Variants in PLCB1 observed in about 807,000 individuals in gnomAD.
The protein encoded by PLCB1 is phospholipase C beta 1.
In PLCB1, 46 loss-of-function variants were observed where a neutral mutation model predicts 161.8. The observed-to-expected ratio is 0.28, with a 90% CI of 0.22 to 0.36. PLCB1 has a LOEUF of 0.36. Ranked by LOEUF, PLCB1 falls within the 10% of genes least tolerant of loss-of-function variation. PLCB1 has a pLI of 1.00. For synonymous variants in PLCB1, 517 were observed against 503.7 expected (o/e 1.03, Z -0.35); for missense variants, 1,016 against 1,472.5 (o/e 0.69, Z 5.07).
At chr20:8,773,119 A>G (rs1199217601) in intron 26 of PLCB1, among the ~76,000 whole-genome samples, 2 of 152,196 alleles carry the variant, frequency 1.3e-5, no homozygotes, top group East Asian at 3.9e-4. Flanking sequence ...ATCTGATTCT[A>G]ACACCAGCTT....
chr20:8,602,382 T>C, intron 3 of PLCB1, among the ~76,000 whole-genome samples: 1 of 152,170 alleles, frequency 6.6e-6, no homozygotes, highest in Non-Finnish European at 1.5e-5. Context: ...ATGCCAGGGA[T>C]ATCATCACTT....
At chr20:8,152,263 A>G (rs1168893515) in intron 2 of PLCB1, among the ~76,000 whole-genome samples, 1 of 152,006 alleles carries the variant, frequency 6.6e-6, no homozygotes, top group African/African-American at 2.4e-5. Flanking sequence ...GTGATCATAT[A>G]TCTTAGAATC....
intron 2 of PLCB1, among the ~76,000 whole-genome samples, chr20:8,195,293 A>T (rs1371495491): frequency 6.6e-6 from 1 of 151,950 alleles, no homozygotes; most frequent in South Asian, 2.1e-4. Context: ...TCTCCTATAG[A>T]TATATTAAAC....
intron 6 of PLCB1, 48 bp from the exon 7 acceptor site, chr20:8,649,326 A>T (rs774898859): frequency 1.7e-6 from 2 of 1,200,354 alleles, no homozygotes; most frequent in Admixed American, 1.7e-5. Context: ...TAGTGCTGTG[A>T]TCCATGTGCC....
At position 8,765,871 on chromosome 20, in the gene PLCB1, G is replaced by T. The variant is rs146350370; in HGVS notation, c.2930+513G>T. The stretch of plus-strand genomic sequence containing the variant: ...ATTTTTGTATTTTTAGTAGAGATGG[G>T]GTTTCACCAGGTTGCCCAGCTGGTC... On this transcript the variant is annotated intron_variant, in intron 26 of 31. Coordinates refer to ENST00000338037, the MANE Select transcript of PLCB1 (RefSeq NM_015192.4). Among the ~76,000 whole-genome samples the T allele has an allele frequency of 1.4e-4, 22 of 152,208 alleles. No homozygotes were observed. In the East Asian group the frequency reaches 4.3e-3, roughly 29 times the overall value.
In PLCB1 at chr20:8,289,999, T is replaced by C. The variant is rs888301205; in HGVS notation, c.178-81383T>C. Reference sequence around the variant, plus strand: ...TATAAAACAGCAGGCAACTGGAGATTTATAACTTGATTCATTCTAATTGAT... The same window carrying C: ...TATAAAACAGCAGGCAACTGGAGATCTATAACTTGATTCATTCTAATTGAT... On this transcript the variant is annotated intron_variant, in intron 2 of 31. Coordinates refer to ENST00000338037, the MANE Select transcript of PLCB1 (RefSeq NM_015192.4). Among the ~76,000 whole-genome samples the C allele has an allele frequency of 3.3e-5, 5 of 152,290 alleles. 1 individual carries two copies. The highest frequency in any genetic ancestry group is 1.9e-4 in the East Asian group (1 of 5,188).
rs753307302 is a variant in PLCB1, at chr20:8,345,693, A to G, written c.178-25689A>G. 5.9e-5 allele frequency among the ~76,000 whole-genome samples: 9 copies of G among 152,294 alleles called. No homozygotes were observed. The South Asian group carries it at 1.9e-3, about 32-fold the overall frequency. ...AAATGCCCGGGACTGGAGAAAGGGC[A>G]AGGTGGAGGCAATGGGAGGCAAAAT... On this transcript the variant is annotated intron_variant, in intron 2 of 31. Coordinates refer to ENST00000338037, the MANE Select transcript of PLCB1 (RefSeq NM_015192.4).
At chr20:8,762,316 A>G (rs1982083071) in intron 25 of PLCB1, among the ~76,000 whole-genome samples, 1 of 152,024 alleles carries the variant, frequency 6.6e-6, no homozygotes, top group South Asian at 2.1e-4. Flanking sequence ...AAATGAATGG[A>G]CAAAAGGCAA....
At chr20:8,786,935 C>T (rs1253651845) in intron 27 of PLCB1, among the ~76,000 whole-genome samples, 1 of 152,104 alleles carries the variant, frequency 6.6e-6, no homozygotes, top group Non-Finnish European at 1.5e-5. Context: ...AAACTCCTGA[C>T]CTCAAGCGAT....
At position 8,517,697 on chromosome 20, in the gene PLCB1, C is replaced by T. The variant is rs142073000; in HGVS notation, c.247-110597C>T. 1.3e-3 allele frequency among the ~76,000 whole-genome samples: 195 copies of T among 152,310 alleles called. 1 individual carries two copies. The highest frequency in any genetic ancestry group is 4.5e-3 in the African/African-American group (185 of 41,562). On this transcript the variant is annotated intron_variant, in intron 3 of 31. Transcript: ENST00000338037. ...GGATGGGACCGGGGCTCAGATGTTC[C>T]TCATGGACAAGGAATGAATCTCTGG...
chr20:8,839,335 A>C (rs940953581), intron 31 of PLCB1, among the ~76,000 whole-genome samples: 1 of 152,174 alleles, frequency 6.6e-6, no homozygotes, highest in Non-Finnish European at 1.5e-5. Flanking sequence ...TTTGGAGGCA[A>C]TATATTGCTC....
chr20:8,679,042 G>C (rs1990154602), intron 9 of PLCB1, among the ~76,000 whole-genome samples: 1 of 152,166 alleles, frequency 6.6e-6, no homozygotes, highest in African/African-American at 2.4e-5. Context: ...GTTCTTGAAA[G>C]GCAATGCTCT....
At chr20:8,223,744 G>A (rs977687137) in intron 2 of PLCB1, among the ~76,000 whole-genome samples, 2 of 152,060 alleles carry the variant, frequency 1.3e-5, no homozygotes, top group Admixed American at 6.6e-5. Context: ...CAGATTAAAC[G>A]TCTTCTTTAA....
At chr20:8,339,676 T>C (rs1447207932) in intron 2 of PLCB1, among the ~76,000 whole-genome samples, 6 of 152,224 alleles carry the variant, frequency 3.9e-5, no homozygotes, top group Admixed American at 2.0e-4. Context: ...GGTGATTTTT[T>C]TGGTTGATCC....
chr20:8,509,815 A>G (rs912997603), intron 3 of PLCB1, among the ~76,000 whole-genome samples: 2 of 152,142 alleles, frequency 1.3e-5, no homozygotes, highest in African/African-American at 4.8e-5. Context: ...ACTACACCCT[A>G]TGCTTCCTTC....
At chr20:8,345,423 T>A (rs984622955) in intron 2 of PLCB1, among the ~76,000 whole-genome samples, 2 of 152,144 alleles carry the variant, frequency 1.3e-5, no homozygotes, top group Non-Finnish European at 2.9e-5. Context: ...AATAGTTTAT[T>A]TTTGATGATG....
intron 9 of PLCB1, among the ~76,000 whole-genome samples, chr20:8,666,687 G>GA (rs1337544748): frequency 1.3e-5 from 2 of 152,224 alleles, no homozygotes; most frequent in African/African-American, 4.8e-5. Flanking sequence ...GACTTGCTTA[G>GA]AAAAAAGTTG....
At chr20:8,847,572 A>G (rs1474710907) in intron 31 of PLCB1, among the ~76,000 whole-genome samples, 1 of 152,168 alleles carries the variant, frequency 6.6e-6, no homozygotes, top group Non-Finnish European at 1.5e-5. Flanking sequence ...GAACCATTCA[A>G]TTCAATTTTG....
At chr20:8,158,655 T>C (rs2051588204) in intron 2 of PLCB1, among the ~76,000 whole-genome samples, 1 of 152,218 alleles carries the variant, frequency 6.6e-6, no homozygotes. Context: ...CCTATGAGCC[T>C]GTAAAATCGA....
Sources: gnomAD v4.1 joint callset for allele counts (sites outside exome capture counted in the v4.1 genomes callset) on GRCh38, gnomAD v4.1.1 for gene constraint, MANE v1.5 for transcripts, NCBI Gene and HGNC (gene_info 2026-07-23, HGNC 2026-07-21) for gene names.